EEFSEC: variants seen among roughly 807,000 people sequenced by gnomAD.
EEFSEC encodes the protein selenocysteine-specific elongation factor.
EEFSEC carries 43 observed loss-of-function variants against 42.1 expected under a neutral mutation model. That is an observed-to-expected ratio of 1.02 (90% CI 0.80 to 1.32). The LOEUF (loss-of-function observed/expected upper bound fraction) is 1.32. EEFSEC is among the 40% of genes most tolerant of loss of function. The pLI is 0.00. For missense variants in EEFSEC, 745 were observed against 803.6 expected, an observed-to-expected ratio of 0.93 and a Z score of 0.88; for synonymous variants, 354 against 339.1, an observed-to-expected ratio of 1.04 and a Z score of -0.48.
chr3:128,421,486 G>A, the EEFSEC span, among the ~76,000 whole-genome samples: 826 of 152,292 alleles, frequency 5.4e-3, 9 homozygotes, highest in African/African-American at 0.019. Flanking sequence ...CACAGTCTCC[G>A]GGACCTGACT....
chr3:128,334,239 C>T (rs1355883501), intron 4 of EEFSEC, among the ~76,000 whole-genome samples: 5 of 152,242 alleles, frequency 3.3e-5, no homozygotes. Context: ...TGCCCATTGG[C>T]ATTGATGTGA....
At chr3:128,176,125 A>G (rs1430572164) in intron 1 of EEFSEC, among the ~76,000 whole-genome samples, 1 of 152,126 alleles carries the variant, frequency 6.6e-6, no homozygotes, top group African/African-American at 2.4e-5. Context: ...ATATGACTTA[A>G]GTTTTAATCT....
At chr3:128,292,323 C>T (rs1384131714) in intron 4 of EEFSEC, among the ~76,000 whole-genome samples, 1 of 151,812 alleles carries the variant, frequency 6.6e-6, no homozygotes, top group African/African-American at 2.4e-5. Flanking sequence ...CAACATTATT[C>T]TGGCCTCATA....
chr3:128,175,838 G>T (rs755550104), intron 1 of EEFSEC, among the ~76,000 whole-genome samples: 6 of 152,214 alleles, frequency 3.9e-5, no homozygotes, highest in Non-Finnish European at 5.9e-5. Flanking sequence ...CTGTCCTTCG[G>T]TTAGAGGTTT....
chr3:128,407,027 C>A (rs1345471879), intron 6 of EEFSEC, among the ~76,000 whole-genome samples: 1 of 152,064 alleles, frequency 6.6e-6, no homozygotes, highest in Non-Finnish European at 1.5e-5. Flanking sequence ...GTGTTCCAGG[C>A]AGAGGGAACA....
At chr3:128,196,161 A>C (rs2065582916) in intron 1 of EEFSEC, among the ~76,000 whole-genome samples, 1 of 152,272 alleles carries the variant, frequency 6.6e-6, no homozygotes, top group African/African-American at 2.4e-5. Flanking sequence ...AAACCAATTT[A>C]TAATAATTGT....
At position 128,261,242 on chromosome 3, in the gene EEFSEC, G is replaced by A. The variant is rs373535842; in HGVS notation, c.525-886G>A. ...ATAGCCAACAACTTGGAGCAAATCA[G>A]TTAGACTCCCTAAGCCTCATTTTCT... On this transcript the variant is annotated intron_variant, in intron 2 of 6. Transcript: ENST00000254730. 4.9e-4 allele frequency among the ~76,000 whole-genome samples: 74 copies of A among 152,274 alleles called. No homozygotes were observed. In the South Asian group the frequency reaches 0.011, roughly 22 times the overall value.
intron 6 of EEFSEC, among the ~76,000 whole-genome samples, chr3:128,383,047 C>T (rs532564745): frequency 6.6e-4 from 100 of 152,236 alleles, no homozygotes; most frequent in African/African-American, 2.3e-3. Flanking sequence ...TGGATCCCTG[C>T]CCCCAGTTCC....
rs1484697395 is a variant in EEFSEC, at chr3:128,308,199, C to T, written c.787-33034C>T. Among the ~76,000 whole-genome samples the T allele has an allele frequency of 3.3e-5, 5 of 152,350 alleles. No homozygotes were observed. The East Asian group carries it at 5.8e-4, about 18-fold the overall frequency. On this transcript the variant is annotated intron_variant, in intron 4 of 6. Transcript: ENST00000254730. The stretch of plus-strand genomic sequence containing the variant: ...GAAGAGGCTGGAGGCCAAGCTTGGC[C>T]GTAGCTCTGCTCTTATTATATGATG...
Position 128,153,618 on chromosome 3 carries a change from CA to C in EEFSEC, c.113del (p.Lys38SerfsTer75), listed in dbSNP as rs1311137157. ...STTASTAAFD[K>X]QPQSRERGIT... ...CCACAGCCTCCACCGCCGCCTTTGA[CA>C]AGCAGCCGCAGAGCCGCGAGCGCGG... On this transcript the variant is annotated frameshift_variant, in exon 1 of 7. Transcript: ENST00000254730. LOFTEE classifies it high-confidence loss of function. 6.3e-7 allele frequency: 1 copy of C among 1,596,716 alleles called. No homozygotes were observed. Among genetic ancestry groups the C allele is most frequent in the Non-Finnish European group, 8.5e-7 (1 of 1,177,292 alleles).
intron 1 of EEFSEC, among the ~76,000 whole-genome samples, chr3:128,211,022 G>A (rs527441859): frequency 1.2e-4 from 19 of 152,188 alleles, no homozygotes; most frequent in East Asian, 3.8e-4. Context: ...ATCCTCTGTC[G>A]CTTACTGGCT....
At chr3:128,292,257 GA>G (rs1179282137) in intron 4 of EEFSEC, among the ~76,000 whole-genome samples, 1 of 151,884 alleles carries the variant, frequency 6.6e-6, no homozygotes, top group Non-Finnish European at 1.5e-5. Flanking sequence ...TTGAATTTAT[GA>G]GGTATATTGC....
At chr3:128,280,470 G>A (rs2066514280) in intron 4 of EEFSEC, among the ~76,000 whole-genome samples, 1 of 152,206 alleles carries the variant, frequency 6.6e-6, no homozygotes, top group Admixed American at 6.5e-5. Context: ...TCTCTGCTGG[G>A]GAGGCCTCTG....
intron 4 of EEFSEC, among the ~76,000 whole-genome samples, chr3:128,311,827 T>G (rs542860484): frequency 6.6e-6 from 1 of 152,342 alleles, no homozygotes; most frequent in African/African-American, 2.4e-5. Context: ...CTTAGAAATA[T>G]TTCAAAATCC....
intron 1 of EEFSEC, among the ~76,000 whole-genome samples, chr3:128,184,172 T>G (rs1305317045): frequency 6.6e-6 from 1 of 152,248 alleles, no homozygotes; most frequent in Non-Finnish European, 1.5e-5. Flanking sequence ...TTAAAAAAAA[T>G]TGTGATAACA....
intron 4 of EEFSEC, among the ~76,000 whole-genome samples, chr3:128,334,505 TC>T (rs1170854912): frequency 6.6e-6 from 1 of 152,212 alleles, no homozygotes; most frequent in African/African-American, 2.4e-5. Flanking sequence ...GCGTTTATCG[TC>T]CCAAGTCTCA....
intron 6 of EEFSEC, among the ~76,000 whole-genome samples, chr3:128,389,239 T>TGA: frequency 6.6e-6 from 1 of 152,324 alleles, no homozygotes; most frequent in East Asian, 1.9e-4. Flanking sequence ...CCCGAGGACA[T>TGA]CACAGCCCTG....
intron 4 of EEFSEC, among the ~76,000 whole-genome samples, chr3:128,298,390 C>T (rs370881031): frequency 1.7e-4 from 26 of 152,296 alleles, no homozygotes; most frequent in African/African-American, 6.0e-4. Flanking sequence ...TCAAGCAATC[C>T]TTCTGCCTCA....
chr3:128,297,813 C>T (rs1185144622), intron 4 of EEFSEC, among the ~76,000 whole-genome samples: 3 of 152,242 alleles, frequency 2.0e-5, no homozygotes, highest in Non-Finnish European at 4.4e-5. Context: ...ACTCTCACCA[C>T]ACTCCTAAAT....
Sources: gnomAD v4.1 joint callset for allele counts (sites outside exome capture counted in the v4.1 genomes callset) on GRCh38, gnomAD v4.1.1 for gene constraint, MANE v1.5 for transcripts, NCBI Gene and HGNC (gene_info 2026-07-23, HGNC 2026-07-21) for gene names.